Variants in MLYCD observed in about 807,000 individuals in gnomAD.
The protein encoded by MLYCD is malonyl-CoA decarboxylase, also known as malonyl-CoA decarboxylase, mitochondrial.
In MLYCD, 27 loss-of-function variants were observed where a neutral mutation model predicts 35.8. That is an observed-to-expected ratio of 0.75 (90% CI 0.56 to 1.04). The LOEUF is 1.04. MLYCD is among the 50% of genes least tolerant of loss of function. The pLI is 0.00. For missense variants in MLYCD, 917 were observed against 665.1 expected (o/e 1.38, Z -4.17); for synonymous variants, 403 against 302.4 (o/e 1.33, Z -3.45).
chr16:83,905,140 T>A (rs1353920504), intron 1 of MLYCD, among the ~76,000 whole-genome samples: 1 of 152,072 alleles, frequency 6.6e-6, no homozygotes, highest in Admixed American at 6.5e-5. Flanking sequence ...GGAGAATCGC[T>A]TGAACCTAGG....
intron 2 of MLYCD, 132 bp downstream of exon 2, chr16:83,907,231 C>G: frequency 1.2e-6 from 1 of 843,260 alleles, no homozygotes; most frequent in African/African-American, 1.7e-5. Flanking sequence ...AAAATCCAAA[C>G]ACAGTATTTG....
Position 83,924,281 on chromosome 16 carries a change from G to A in MLYCD, c.*8792G>A, listed in dbSNP as rs1255082243. The A allele has an allele frequency of 2.0e-5, 3 of 152,222 alleles. No homozygotes were observed. Among genetic ancestry groups the A allele is most frequent in the African/African-American group, 7.2e-5 (3 of 41,438 alleles). 9.4% of individuals were successfully genotyped at this position (152,222 alleles called of 1,614,324 possible). A position where few individuals can be genotyped will look rare whatever the true frequency, so the allele number is the denominator to read the frequency against. On this transcript the variant is annotated 3_prime_UTR_variant, in exon 5 of 5. Coordinates refer to ENST00000262430, the MANE Select transcript of MLYCD (RefSeq NM_012213.3). Reference sequence around the variant, plus strand: ...GAGATGGGGGATCTGGCCCTGTGGTGAGTGCACCCAGAGCAGGTGTCTCTC... The same window carrying A: ...GAGATGGGGGATCTGGCCCTGTGGTAAGTGCACCCAGAGCAGGTGTCTCTC...
intron 1 of MLYCD, among the ~76,000 whole-genome samples, chr16:83,905,713 C>A (rs1462552526): frequency 6.6e-6 from 1 of 152,238 alleles, no homozygotes; most frequent in Non-Finnish European, 1.5e-5. Flanking sequence ...CCTCTGCTTA[C>A]CCCTCATTGA....
At chr16:83,899,717 C>G in intron 1 of MLYCD, 45 bp downstream of exon 1, 2 of 1,479,726 alleles carry the variant, frequency 1.4e-6, no homozygotes, top group East Asian at 2.7e-5. Context: ...ACTGGCCGCC[C>G]TCCTCGAGTA....
chr16:83,903,812 C>T lies in MLYCD; in HGVS notation c.529-3175C>T, dbSNP rs111301275. Among the ~76,000 whole-genome samples the T allele has an allele frequency of 6.9e-3, 1,056 of 152,284 alleles. 7 individuals carry two copies. The highest frequency in any genetic ancestry group is 0.024 in the African/African-American group (988 of 41,560). ...TCCAGCAGAATCCACTGAGAACTGT[C>T]GCTGCCCTTAGCATCACCAGGATAT... On this transcript the variant is annotated intron_variant, in intron 1 of 4. Transcript: ENST00000262430.
Position 83,925,556 on chromosome 16 carries a change from C to T in MLYCD, c.*10067C>T, listed in dbSNP as rs1280237676. ...TCATTGTGAAATGCAAATCAGGTTC[C>T]ATCTCTCCTCTCCTTTCCTACCTCC... On this transcript the variant is annotated 3_prime_UTR_variant, in exon 5 of 5. Transcript: ENST00000262430. The T allele has an allele frequency of 6.6e-6, 1 of 152,428 alleles. No homozygotes were observed. The highest frequency in any genetic ancestry group is 1.5e-5 in the Non-Finnish European group (1 of 68,224). The allele number at this position is 152,428 out of a possible 1,614,324, so 9.4% of individuals were successfully genotyped here. A position where few individuals can be genotyped will look rare whatever the true frequency, so the allele number is the denominator to read the frequency against.
rs1454592237 is a variant in MLYCD at position 83,915,305 on chromosome 16, T to C, written c.1298T>C (p.Ile433Thr). ...HLQNGAVLWRINWMADVSLRG... is the reference protein window; with the variant it reads ...HLQNGAVLWRTNWMADVSLRG... ...CAGAACGGGGCGGTGCTGTGGCGCATCAACTGGATGGCGGATGTGAGCCTC... is the reference window on the plus strand; with the variant it reads ...CAGAACGGGGCGGTGCTGTGGCGCACCAACTGGATGGCGGATGTGAGCCTC... Residue 433 changes from isoleucine to threonine, a missense_variant, in exon 5 of 5, where the codon ATC becomes ACC. Coordinates refer to ENST00000262430, the MANE Select transcript of MLYCD (RefSeq NM_012213.3). 1 of 1,613,826 alleles carries C rather than the reference T, an allele frequency of 6.2e-7. No homozygotes were observed. The highest frequency in any genetic ancestry group is 1.3e-5 in the African/African-American group (1 of 75,054).
At position 83,918,944 on chromosome 16, in the gene MLYCD, C is replaced by G. The variant is rs1397376815; in HGVS notation, c.*3455C>G. 2.0e-5 allele frequency: 3 copies of G among 146,448 alleles called. No homozygotes were observed. The highest frequency in any genetic ancestry group is 2.1e-4 in the East Asian group (1 of 4,708). 9.1% of individuals were successfully genotyped at this position (146,448 alleles called of 1,614,324 possible). On this transcript the variant is annotated 3_prime_UTR_variant, in exon 5 of 5. Coordinates refer to ENST00000262430, the MANE Select transcript of MLYCD (RefSeq NM_012213.3). ...TGCATAAACAGTTCACAGGAGAACA[C>G]GCACACACAGTGCATAGAGCACAGA...
In MLYCD at chr16:83,906,741, C is replaced by CA. The variant is rs11465119; in HGVS notation, c.529-246_529-245insA. Among the ~76,000 whole-genome samples the CA allele has an allele frequency of 0.24, 36,936 of 152,066 alleles. 5,157 individuals are homozygous for CA. Among genetic ancestry groups the CA allele is most frequent in the African/African-American group, 0.39 (16,242 of 41,448 alleles). ...AACTTAGTTCAAATTGAATTGTTTC[C>CA]TTCAGAGGTCTTAACAGACTGAAGT... On this transcript the variant is annotated intron_variant, in intron 1 of 4. Coordinates refer to ENST00000262430, the MANE Select transcript of MLYCD (RefSeq NM_012213.3).
Position 83,915,222 on chromosome 16 carries a change from C to A in MLYCD, c.1215C>A (p.Tyr405Ter). 1 of 1,613,902 alleles carries A rather than the reference C, an allele frequency of 6.2e-7. No individual in the cohort carries two copies. The highest frequency in any genetic ancestry group is 1.1e-5 in the South Asian group (1 of 91,080). ...CGCTGATGAGGCTGTGCGCCTGGTACCTGTATGGAGAGAAGCACCGCGGCT... is the reference window on the plus strand; with the variant it reads ...CGCTGATGAGGCTGTGCGCCTGGTAACTGTATGGAGAGAAGCACCGCGGCT... Reference protein sequence around the residue: ...QTPLMRLCAWYLYGEKHRGYA... With the variant: ...QTPLMRLCAW Residue 405 changes from tyrosine (Y) to a stop codon, truncating the protein, a stop_gained, in exon 5 of 5, where the codon TAC becomes TAA. Transcript: ENST00000262430. LOFTEE classifies it high-confidence loss of function.
intron 1 of MLYCD, among the ~76,000 whole-genome samples, chr16:83,905,844 G>C (rs1485750414): frequency 6.6e-6 from 1 of 152,226 alleles, no homozygotes; most frequent in African/African-American, 2.4e-5. Context: ...AGCCATCGGG[G>C]AACAACAAGC....
rs200413924 is a variant in MLYCD, at chr16:83,915,431, A to T, written c.1424A>T (p.Lys475Ile). ...STSYLGSKII[K>I]ASEQVLSLVA... ...TCCTACCTCGGCTCCAAGATCATCAAAGCCTCTGAGCAGGTCCTCAGCCTA... is the reference window on the plus strand; with the variant it reads ...TCCTACCTCGGCTCCAAGATCATCATAGCCTCTGAGCAGGTCCTCAGCCTA... Residue 475 changes from lysine to isoleucine, a missense_variant, in exon 5 of 5, where the codon AAA becomes ATA. Physicochemically the swap from Lys to Ile is moderately radical, Grantham distance 102. Transcript: ENST00000262430. The T allele has an allele frequency of 7.1e-5, 114 of 1,613,684 alleles. No individual in the cohort carries two copies. The African/African-American group carries it at 1.4e-3, about 19-fold the overall frequency.
chr16:83,900,489 A>C (rs886085857), intron 1 of MLYCD, among the ~76,000 whole-genome samples: 3 of 151,610 alleles, frequency 2.0e-5, no homozygotes, highest in Non-Finnish European at 4.4e-5. Context: ...ATCACGGCTC[A>C]CTGCAGCCTC....
In MLYCD at chr16:83,921,919, G is replaced by A. The variant is rs1907668552; in HGVS notation, c.*6430G>A. 6.6e-6 allele frequency: 1 copy of A among 152,224 alleles called. No individual in the cohort carries two copies. Among genetic ancestry groups the A allele is most frequent in the African/African-American group, 2.4e-5 (1 of 41,416 alleles). 9.4% of individuals were successfully genotyped at this position (152,224 alleles called of 1,614,324 possible). On this transcript the variant is annotated 3_prime_UTR_variant, in exon 5 of 5. Coordinates refer to ENST00000262430, the MANE Select transcript of MLYCD (RefSeq NM_012213.3). ...ACCCTACAGGAAAGTGCTACTCAGTGCCCAGGTGACATCGTCACAAGGGGA... is the reference window on the plus strand; with the variant it reads ...ACCCTACAGGAAAGTGCTACTCAGTACCCAGGTGACATCGTCACAAGGGGA...
Position 83,899,672 on chromosome 16 carries a change from G to C in MLYCD, c.528G>C (p.Arg176=). The C allele has an allele frequency of 6.6e-7, 1 of 1,519,948 alleles. No individual in the cohort carries two copies. Among genetic ancestry groups the C allele is most frequent in the African/African-American group, 1.4e-5 (1 of 70,842 alleles). 94.2% of individuals were successfully genotyped at this position (1,519,948 alleles called of 1,614,324 possible). A position where few individuals can be genotyped will look rare whatever the true frequency, so the allele number is the denominator to read the frequency against. The change falls in exon 1 of 5, where the codon CGG becomes CGC. Residue 176 remains arginine, a splice_region_variant and synonymous_variant. Coordinates refer to ENST00000262430, the MANE Select transcript of MLYCD (RefSeq NM_012213.3). ...ALKLVEGPDV[R]EMNGVLKGML... Reference sequence around the variant, plus strand: ...AGCTGGTGGAGGGGCCGGACGTCCGGGTAAGGGGCCGCCGTCGATCCCCCG... The same window carrying C: ...AGCTGGTGGAGGGGCCGGACGTCCGCGTAAGGGGCCGCCGTCGATCCCCCG...
rs1907426038 is a variant in MLYCD at position 83,916,947 on chromosome 16, G to C, written c.*1458G>C. ...TGTGTGGATCAGTGCACGTCTGTGT[G>C]CGTGTGCACGAGCGTTCTATGTGGA... On this transcript the variant is annotated 3_prime_UTR_variant, in exon 5 of 5. Transcript: ENST00000262430. The C allele has an allele frequency of 7.1e-6, 1 of 140,918 alleles. No homozygotes were observed. The allele number at this position is 140,918 out of a possible 1,614,324, so 8.7% of individuals were successfully genotyped here.
intron 4 of MLYCD, 197 bp downstream of exon 4, chr16:83,912,564 C>G: frequency 7.3e-6 from 5 of 681,170 alleles, no homozygotes; most frequent in Non-Finnish European, 1.2e-5. Context: ...GAGAATGATG[C>G]TGAGAGAGGC....
chr16:83,902,155 GTATA>G (rs386385269), intron 1 of MLYCD, among the ~76,000 whole-genome samples: 13,956 of 87,222 alleles, frequency 0.16, 1,157 homozygotes, highest in South Asian at 0.19. Flanking sequence ...GTGTGCGTGC[GTATA>G]TATATATATA....
Position 83,918,858 on chromosome 16 carries a change from C to G in MLYCD, c.*3369C>G, listed in dbSNP as rs1907536740. On this transcript the variant is annotated 3_prime_UTR_variant, in exon 5 of 5. Transcript: ENST00000262430. Reference sequence around the variant, plus strand: ...CAGGAGAACACGCACACACAGTGCACAGAACACAGCCAGTGCACAGGAGAA... The same window carrying G: ...CAGGAGAACACGCACACACAGTGCAGAGAACACAGCCAGTGCACAGGAGAA... The G allele has an allele frequency of 7.0e-6, 1 of 142,768 alleles. No homozygotes were observed. The highest frequency in any genetic ancestry group is 2.7e-5 in the African/African-American group (1 of 36,904). 8.8% of individuals were successfully genotyped at this position (142,768 alleles called of 1,614,324 possible).
Sources: allele counts gnomAD v4.1 joint callset (sites outside exome capture counted in the v4.1 genomes callset), GRCh38; gene constraint gnomAD v4.1.1; transcripts MANE v1.5; gene names NCBI Gene and HGNC (gene_info 2026-07-23, HGNC 2026-07-21).